SETDB2: variants seen among roughly 807,000 people sequenced by gnomAD.
The protein encoded by SETDB2 is histone-lysine N-methyltransferase SETDB2.
Under a neutral mutation model 82.5 loss-of-function variants are expected in SETDB2, and 56 were observed. The observed-to-expected ratio is 0.68, with a 90% CI of 0.55 to 0.85. SETDB2 has a LOEUF of 0.85. SETDB2 is among the 40% of genes least tolerant of loss of function. The pLI, the probability that SETDB2 is intolerant of heterozygous loss-of-function variation, is 0.00. For missense variants in SETDB2, 677 were observed against 816.4 expected, an observed-to-expected ratio of 0.83 and a Z score of 2.08; for synonymous variants, 272 against 284.9, an observed-to-expected ratio of 0.95 and a Z score of 0.46.
At position 49,470,209 on chromosome 13, in the gene SETDB2, C is replaced by A. The variant is rs182587174; in HGVS notation, c.305+2249C>A. ...GATTATATAATCAGAATTTCATTTC[C>A]TTAATCTCCCATCTCTCTTGTACTG... On this transcript the variant is annotated intron_variant, in intron 5 of 13. Coordinates refer to ENST00000611815, the MANE Select transcript of SETDB2 (RefSeq NM_001160308.3). Among the ~76,000 whole-genome samples, 844 of 152,228 alleles carry A rather than the reference C, an allele frequency of 5.5e-3. 10 individuals carry two copies. Among genetic ancestry groups the A allele is most frequent in the Middle Eastern group, 0.034 (10 of 294 alleles).
At chr13:49,448,977 T>A (rs1957740750) in intron 1 of SETDB2, among the ~76,000 whole-genome samples, 1 of 152,196 alleles carries the variant, frequency 6.6e-6, no homozygotes, top group South Asian at 2.1e-4. Context: ...ATTTGTGTCT[T>A]TTATTGATTT....
intron 1 of SETDB2, among the ~76,000 whole-genome samples, chr13:49,450,951 TTAA>T (rs982386381): frequency 6.8e-6 from 1 of 147,738 alleles, no homozygotes; most frequent in African/African-American, 2.5e-5. Context: ...ATATTATTAA[TTAA>T]TATTTTTATT....
intron 4 of SETDB2, among the ~76,000 whole-genome samples, chr13:49,464,688 G>A (rs994971581): frequency 1.3e-5 from 2 of 152,190 alleles, no homozygotes; most frequent in African/African-American, 4.8e-5. Flanking sequence ...TAGCAGTGAA[G>A]TGTTTTTAAG....
chr13:49,471,928 ATATATAT>A (rs1180196487), intron 5 of SETDB2, among the ~76,000 whole-genome samples: 1,187 of 68,260 alleles, frequency 0.017, 15 homozygotes, highest in African/African-American at 0.071. Flanking sequence ...ATATATATAT[ATATATAT>A]TTTTTTTTTT....
At chr13:49,488,211 A>C in intron 11 of SETDB2, 79 bp from the exon 12 acceptor site, 1 of 1,493,770 alleles carries the variant, frequency 6.7e-7, no homozygotes, top group South Asian at 1.4e-5. Context: ...AGCACCTAGC[A>C]TCTAATTAGT....
chr13:49,477,649 AG>A (rs1958396359), intron 6 of SETDB2, among the ~76,000 whole-genome samples: 1 of 152,222 alleles, frequency 6.6e-6, no homozygotes, highest in African/African-American at 2.4e-5. Flanking sequence ...CACTGTGACA[AG>A]TACTTCACAT....
intron 4 of SETDB2, among the ~76,000 whole-genome samples, chr13:49,465,411 A>G (rs1958084498): frequency 6.6e-6 from 1 of 152,200 alleles, no homozygotes; most frequent in Non-Finnish European, 1.5e-5. Context: ...ATATTTGTTA[A>G]TATAGATTTA....
At chr13:49,479,710 G>A (rs1374233706) in intron 6 of SETDB2, among the ~76,000 whole-genome samples, 1 of 152,158 alleles carries the variant, frequency 6.6e-6, no homozygotes, top group Non-Finnish European at 1.5e-5. Flanking sequence ...GAAAGTACAT[G>A]AAGTTTTATG....
At chr13:49,488,087 C>G (rs1958632513) in intron 11 of SETDB2, 1 of 333,914 alleles carries the variant, frequency 3.0e-6, no homozygotes, top group Non-Finnish European at 4.3e-6. Context: ...AGGTTTGTTA[C>G]CCCAGTTCTC....
chr13:49,488,219 A>G (rs1039220264), intron 11 of SETDB2, 71 bp from the exon 12 acceptor site: 5 of 1,503,304 alleles, frequency 3.3e-6, no homozygotes, highest in Non-Finnish European at 4.4e-6. Context: ...GCATCTAATT[A>G]GTGTTGTTAA....
chr13:49,458,988 A>G (rs183608400), intron 2 of SETDB2, among the ~76,000 whole-genome samples: 291 of 152,378 alleles, frequency 1.9e-3, no homozygotes, highest in African/African-American at 6.4e-3. Flanking sequence ...TTTAAGCACC[A>G]GTTCTCATCC....
chr13:49,446,479 A>G, intron 1 of SETDB2: 1 of 433,286 alleles, frequency 2.3e-6, no homozygotes, highest in Non-Finnish European at 4.5e-6. Context: ...TAATACTTAC[A>G]CCTTTTAATA....
At chr13:49,491,688 T>C in intron 13 of SETDB2, 44 bp from the exon 14 acceptor site, 1 of 1,375,588 alleles carries the variant, frequency 7.3e-7, no homozygotes, top group Non-Finnish European at 1.0e-6. Flanking sequence ...CATTGGTAGT[T>C]ATTTAGGGTA....
At position 49,444,686 on chromosome 13, in the gene SETDB2, C is replaced by T. The variant is rs117272893; in HGVS notation, c.-513C>T. The stretch of plus-strand genomic sequence containing the variant: ...CTGGCTGCAGAAGGGGCCGCGGGCG[C>T]ACTGAGTTTCCAACCTCCATTTCAG... On this transcript the variant is annotated 5_prime_UTR_variant, in exon 1 of 14. Coordinates refer to ENST00000611815, the MANE Select transcript of SETDB2 (RefSeq NM_001160308.3). 0.034 allele frequency: 4,517 copies of T among 133,428 alleles called. 147 individuals carry two copies. Among genetic ancestry groups the T allele is most frequent in the South Asian group, 0.045 (205 of 4,520 alleles). The allele number at this position is 133,428 out of a possible 1,614,324, so 8.3% of individuals were successfully genotyped here.
chr13:49,489,553 A>T (rs1384279824), intron 12 of SETDB2, among the ~76,000 whole-genome samples: 2 of 145,638 alleles, frequency 1.4e-5, no homozygotes, highest in African/African-American at 5.0e-5. Context: ...TCCTGTTCCC[A>T]TGCCCCGACT....
Position 49,491,772 on chromosome 13 carries a change from T to C in SETDB2, c.2047T>C (p.Tyr683His). The change falls in exon 14 of 14, where the codon TAT (tyrosine) becomes CAT (histidine). Residue 683 changes from tyrosine (Y) to histidine (H), a missense_variant. Physicochemically the swap from Tyr to His is moderately conservative, Grantham distance 83 (BLOSUM62 2). Around this residue, in one of 3 missense-constraint regions of SETDB2, gnomAD observed 420 missense variants for 554.6 expected, o/e 0.76. Coordinates refer to ENST00000611815, the MANE Select transcript of SETDB2 (RefSeq NM_001160308.3). ...ARTELTWDYG[Y>H]EAGTVPEKEI... The stretch of plus-strand genomic sequence containing the variant: ...AACAGAGCTAACATGGGATTATGGC[T>C]ATGAAGCTGGGACTGTGCCTGAGAA... 1 of 1,613,118 alleles carries C rather than the reference T, an allele frequency of 6.2e-7. No individual in the cohort carries two copies. The highest frequency in any genetic ancestry group is 8.5e-7 in the Non-Finnish European group (1 of 1,179,764).
chr13:49,448,440 G>A (rs1957731635), intron 1 of SETDB2, among the ~76,000 whole-genome samples: 1 of 151,944 alleles, frequency 6.6e-6, no homozygotes, highest in South Asian at 2.1e-4. Flanking sequence ...ATATCTCTTG[G>A]CATGCTGCTT....
Position 49,461,156 on chromosome 13 carries a change from A to G in SETDB2, c.202A>G (p.Ile68Val), listed in dbSNP as rs945711302. Residue 68 changes from isoleucine (I) to valine (V), a missense_variant, in exon 4 of 14, where the codon ATA becomes GTA. Physicochemically the swap from Ile to Val is conservative, Grantham distance 29. Transcript: ENST00000611815. ...AACTATAATTAACAGTTCAACATCA[A>G]TAAAGGGTATGTACATCTCTATTCC... ...EATIINSSTS[I>V]KDPMPVTQKE... 19 of 1,601,046 alleles carry G rather than the reference A, an allele frequency of 1.2e-5. No homozygotes were observed. Among genetic ancestry groups the G allele is most frequent in the Admixed American group, 3.3e-5 (2 of 59,926 alleles).
At chr13:49,483,420 A>G in intron 9 of SETDB2, 44 bp from the exon 10 acceptor site, 4 of 730,286 alleles carry the variant, frequency 5.5e-6, no homozygotes, top group Non-Finnish European at 8.8e-6. Context: ...AAGAGAATGA[A>G]GAGAATTTTT....
Sources: gnomAD v4.1 joint callset for allele counts (sites outside exome capture counted in the v4.1 genomes callset) on GRCh38, gnomAD v4.1.1 for gene constraint, gnomAD v4.1.1 regional missense constraint, MANE v1.5 for transcripts, NCBI Gene and HGNC (gene_info 2026-07-23, HGNC 2026-07-21) for gene names.